The following KCND2 variants were observed in gnomAD, a reference collection of about 807,000 sequenced individuals.
The protein encoded by KCND2 is potassium voltage-gated channel subfamily D member 2.
In KCND2, 16 loss-of-function variants were observed where a neutral mutation model predicts 54.4. That is an observed-to-expected ratio of 0.29 (90% confidence interval 0.20 to 0.45). KCND2 has a LOEUF of 0.45. Ranked by LOEUF, KCND2 falls within the 20% of genes least tolerant of loss-of-function variation. The pLI is 1.00. For missense variants in KCND2, 486 were observed against 824.2 expected (o/e 0.59, Z 5.02); for synonymous variants, 317 against 310.7 (o/e 1.02, Z -0.21).
chr7:120,687,777 T>G (rs1391856060), intron 1 of KCND2, among the ~76,000 whole-genome samples: 1 of 152,204 alleles, frequency 6.6e-6, no homozygotes, highest in African/African-American at 2.4e-5. Context: ...ACTAATAAAC[T>G]AAAAGTGTTT....
chr7:120,533,571 A>G (rs1462002557), intron 1 of KCND2, among the ~76,000 whole-genome samples: 1 of 152,106 alleles, frequency 6.6e-6, no homozygotes, highest in Non-Finnish European at 1.5e-5. Flanking sequence ...TAAAAATGAT[A>G]ATATGTTTGT....
chr7:120,748,270 A>ATTAT lies in KCND2; in HGVS notation c.*414_*417dup, dbSNP rs1562927034. On this transcript the variant is annotated 3_prime_UTR_variant, in exon 6 of 6. Coordinates refer to ENST00000331113, the MANE Select transcript of KCND2 (RefSeq NM_012281.3). ...ACCATGAACATTGGCTATGATGAAG[A>ATTAT]TTATTACATATGAAAAAAAAACTCA... is the stretch of plus-strand genomic sequence containing the variant. 6.1e-6 allele frequency: 1 copy of ATTAT among 162,664 alleles called. No individual in the cohort carries two copies. Among genetic ancestry groups the ATTAT allele is most frequent in the Non-Finnish European group, 1.3e-5 (1 of 74,512 alleles). The allele number at this position is 162,664 out of a possible 1,614,324, so 10.1% of individuals were successfully genotyped here.
At chr7:120,412,305 G>A (rs1384954961) in intron 1 of KCND2, among the ~76,000 whole-genome samples, 1 of 152,008 alleles carries the variant, frequency 6.6e-6, no homozygotes, top group Non-Finnish European at 1.5e-5. Flanking sequence ...GTTGTCTTAT[G>A]ATTGGGTTAT....
At chr7:120,522,103 C>T (rs1791703593) in intron 1 of KCND2, among the ~76,000 whole-genome samples, 1 of 152,174 alleles carries the variant, frequency 6.6e-6, no homozygotes, top group South Asian at 2.1e-4. Flanking sequence ...GTGGCTTCAG[C>T]TCTGGGCCTC....
rs3993713 is a variant in KCND2 at position 120,588,402 on chromosome 7, AGTGT to A, written c.1116-144464_1116-144461del. Among the ~76,000 whole-genome samples the A allele has an allele frequency of 5.4e-4, 76 of 141,404 alleles. 1 individual carries two copies. The highest frequency in any genetic ancestry group is 1.7e-3 in the South Asian group (7 of 4,160). 92.8% of individuals were successfully genotyped at this position (141,404 alleles called of 152,430 possible). On this transcript the variant is annotated intron_variant, in intron 1 of 5. Transcript: ENST00000331113. ...GAATAATAGAGGGAGGCAACTGTGC[AGTGT>A]GTGTGTGTGTGTGTGTGTGTGTGTG...
chr7:120,647,995 T>A (rs561846774), intron 1 of KCND2, among the ~76,000 whole-genome samples: 3 of 152,324 alleles, frequency 2.0e-5, no homozygotes, highest in African/African-American at 7.2e-5. Flanking sequence ...ACAGTAATAT[T>A]AGCAATTGCA....
chr7:120,344,812 T>C (rs935892595), intron 1 of KCND2, among the ~76,000 whole-genome samples: 8 of 152,190 alleles, frequency 5.3e-5, no homozygotes, highest in African/African-American at 1.7e-4. Context: ...AGACATGACT[T>C]CAACATCATC....
intron 2 of KCND2, among the ~76,000 whole-genome samples, chr7:120,733,761 A>G (rs548657353): frequency 9.9e-5 from 15 of 152,220 alleles, no homozygotes; most frequent in Admixed American, 5.9e-4. Flanking sequence ...TTTGAACTTC[A>G]TGCCAGGTAA....
intron 1 of KCND2, among the ~76,000 whole-genome samples, chr7:120,703,319 C>T (rs1224764695): frequency 6.6e-6 from 1 of 152,208 alleles, no homozygotes; most frequent in Non-Finnish European, 1.5e-5. Flanking sequence ...GCTCTTCCAT[C>T]TTGCTACTTC....
intron 1 of KCND2, among the ~76,000 whole-genome samples, chr7:120,711,946 G>A (rs1792543153): frequency 6.6e-6 from 1 of 152,060 alleles, no homozygotes; most frequent in East Asian, 1.9e-4. Flanking sequence ...AGCTTATTGT[G>A]TAACAAAGAC....
At chr7:120,464,755 T>C (rs531887693) in intron 1 of KCND2, among the ~76,000 whole-genome samples, 2 of 152,270 alleles carry the variant, frequency 1.3e-5, no homozygotes, top group African/African-American at 4.8e-5. Context: ...CTTGCTGCCT[T>C]GCGGCCAAGG....
At chr7:120,394,351 AC>A (rs1404721218) in intron 1 of KCND2, among the ~76,000 whole-genome samples, 3 of 151,926 alleles carry the variant, frequency 2.0e-5, no homozygotes, top group African/African-American at 7.2e-5. Flanking sequence ...TGGAGGGGCC[AC>A]AAGACTAGTT....
intron 1 of KCND2, among the ~76,000 whole-genome samples, chr7:120,625,903 G>A (rs567802163): frequency 6.6e-6 from 1 of 152,014 alleles, no homozygotes; most frequent in East Asian, 1.9e-4. Flanking sequence ...TTTGAAAATT[G>A]GAAAAGTGAA....
chr7:120,325,126 C>CTTGTGAT lies in KCND2; in HGVS notation c.1115+49382_1115+49388dup, dbSNP rs1220369285. ...TGTCTGTTGTTGGTGTATAAGAATG[C>CTTGTGAT]TTGTGATTTTTGCACATTGATTTTG... On this transcript the variant is annotated intron_variant, in intron 1 of 5. Coordinates refer to ENST00000331113, the MANE Select transcript of KCND2 (RefSeq NM_012281.3). 9.6e-5 allele frequency among the ~76,000 whole-genome samples: 14 copies of CTTGTGAT among 146,502 alleles called. No homozygotes were observed. The East Asian group carries it at 2.8e-3, about 29-fold the overall frequency.
intron 1 of KCND2, among the ~76,000 whole-genome samples, chr7:120,704,577 A>G (rs1792442491): frequency 6.6e-6 from 1 of 152,206 alleles, no homozygotes; most frequent in African/African-American, 2.4e-5. Context: ...CACTGATTTC[A>G]ATGGCAAGCT....
chr7:120,667,029 C>T (rs1363987266), intron 1 of KCND2, among the ~76,000 whole-genome samples: 1 of 151,896 alleles, frequency 6.6e-6, no homozygotes, highest in Non-Finnish European at 1.5e-5. Context: ...AAAAAAGAGA[C>T]TCTAAGTCTT....
intron 1 of KCND2, among the ~76,000 whole-genome samples, chr7:120,484,336 G>A (rs995709911): frequency 6.6e-6 from 1 of 151,972 alleles, no homozygotes; most frequent in African/African-American, 2.4e-5. Context: ...TCTATTTTTT[G>A]TAGAAATGGG....
intron 1 of KCND2, among the ~76,000 whole-genome samples, chr7:120,423,396 G>A (rs988999091): frequency 6.6e-6 from 1 of 152,194 alleles, no homozygotes; most frequent in Non-Finnish European, 1.5e-5. Context: ...TTTTACATTA[G>A]ATTTCATGCA....
intron 1 of KCND2, among the ~76,000 whole-genome samples, chr7:120,515,873 C>T (rs1455130985): frequency 6.6e-6 from 1 of 151,954 alleles, no homozygotes; most frequent in Non-Finnish European, 1.5e-5. Flanking sequence ...AATCAAGAGT[C>T]AGAAGAAGAA....
Sources: gnomAD v4.1 joint callset for allele counts (sites outside exome capture counted in the v4.1 genomes callset) on GRCh38, gnomAD v4.1.1 for gene constraint, MANE v1.5 for transcripts, NCBI Gene and HGNC (gene_info 2026-07-23, HGNC 2026-07-21) for gene names.